The following CTTN variants were observed in gnomAD, a reference collection of about 807,000 sequenced individuals.
CTTN encodes the protein src substrate cortactin.
A neutral mutation model predicts 84.0 loss-of-function variants in CTTN; 28 were observed. That is an observed-to-expected ratio of 0.33 (90% CI 0.25 to 0.46). The LOEUF (loss-of-function observed/expected upper bound fraction) is 0.46, where lower values mean the gene tolerates loss of function less well. Ranked by LOEUF, CTTN falls within the 20% of genes least tolerant of loss-of-function variation. CTTN has a pLI of 1.00. For missense variants in CTTN, 641 were observed against 723.8 expected (o/e 0.89, Z 1.31); for synonymous variants, 301 against 288.8 (o/e 1.04, Z -0.43).
intron 12 of CTTN, among the ~76,000 whole-genome samples, chr11:70,423,880 C>T (rs937639912): frequency 2.0e-5 from 3 of 152,164 alleles, no homozygotes; most frequent in Non-Finnish European, 2.9e-5. Flanking sequence ...GAGAAGCCCC[C>T]GGCCTCAGCG....
rs1254424193 is a variant in CTTN, at chr11:70,429,190, G to A, written c.1167G>A (p.Arg389=). The change falls in exon 14 of 18, where the codon AGG becomes AGA. Residue 389 remains arginine (R), a synonymous_variant. Coordinates refer to ENST00000301843, the MANE Select transcript of CTTN (RefSeq NM_005231.4). The part of the protein sequence containing the change: ...KERQEQEEAR[R]KLEEQARAKT... ...GGCAGGAGCAGGAAGAGGCCAGGAG[G>A]AAGCTGGAGGTGAGTGGCAAGGAGT... is the stretch of plus-strand genomic sequence containing the variant. The A allele has an allele frequency of 1.9e-6, 3 of 1,612,344 alleles. No individual in the cohort carries two copies. Among genetic ancestry groups the A allele is most frequent in the Non-Finnish European group, 2.5e-6 (3 of 1,179,564 alleles).
rs191358927 is a variant in CTTN, at chr11:70,426,164, T to C, written c.1027+763T>C. ...GGCTCATGCCTGTAATCCCAGCACT[T>C]TGGGAGGCCAAGACGGGCGGATCAC... On this transcript the variant is annotated intron_variant, in intron 13 of 17. Transcript: ENST00000301843. Among the ~76,000 whole-genome samples, 447 of 152,202 alleles carry C rather than the reference T, an allele frequency of 2.9e-3. 3 individuals carry two copies. Among genetic ancestry groups the C allele is most frequent in the African/African-American group, 9.9e-3 (409 of 41,522 alleles).
At position 70,420,142 on chromosome 11, in the gene CTTN, G is replaced by A. The variant is rs1431306233; in HGVS notation, c.680-258G>A. 1.5e-5 allele frequency: 9 copies of A among 596,694 alleles called. No homozygotes were observed. In the Admixed American group the frequency reaches 2.4e-4, roughly 16 times the overall value. 37.0% of individuals were successfully genotyped at this position (596,694 alleles called of 1,614,324 possible). ...GAGCCTGTGCTGTCTCATGGTGCGG[G>A]TGGAAGCCGCATGCGTGGGAGCTTC... On this transcript the variant is annotated intron_variant, in intron 9 of 17. Transcript: ENST00000301843.
chr11:70,433,741 T>TG, intron 17 of CTTN, 23 bp downstream of exon 17: 1 of 1,563,854 alleles, frequency 6.4e-7, no homozygotes, highest in Non-Finnish European at 8.8e-7. Context: ...CAAAAGCACT[T>TG]GGAGGGGAGA....
At chr11:70,433,312 G>C in intron 16 of CTTN, 34 bp downstream of exon 16, 1 of 1,561,714 alleles carries the variant, frequency 6.4e-7, no homozygotes, top group Non-Finnish European at 8.6e-7. Context: ...GCCCTGCCCA[G>C]GGCAGGGAGC....
chr11:70,419,474 C>T (rs113738406), intron 8 of CTTN, among the ~76,000 whole-genome samples: 385 of 152,278 alleles, frequency 2.5e-3, no homozygotes, highest in Middle Eastern at 6.8e-3. Flanking sequence ...TGCTATGTTG[C>T]TCAGGCTGGA....
At position 70,433,297 on chromosome 11, in the gene CTTN, G is replaced by T. The variant is rs1239089708; in HGVS notation, c.1444+19G>T. On this transcript the variant is annotated intron_variant, in intron 16 of 17. Coordinates refer to ENST00000301843, the MANE Select transcript of CTTN (RefSeq NM_005231.4). ...CCCGCAGGTACTGGGGCCCCACGCT[G>T]CAGCGCCCTGCCCAGGGCAGGGAGC... The T allele has an allele frequency of 1.6e-5, 26 of 1,593,440 alleles. No homozygotes were observed. Among genetic ancestry groups the T allele is most frequent in the Non-Finnish European group, 2.0e-5 (23 of 1,171,116 alleles).
At chr11:70,424,677 G>A (rs921723836) in intron 12 of CTTN, among the ~76,000 whole-genome samples, 2 of 152,012 alleles carry the variant, frequency 1.3e-5, no homozygotes, top group Admixed American at 1.3e-4. Flanking sequence ...CTGATGGGAG[G>A]AGGGAGCGGG....
At position 70,409,884 on chromosome 11, in the gene CTTN, A is replaced by G. The variant is rs1352779139; in HGVS notation, c.215A>G (p.Lys72Arg). The change falls in exon 5 of 18, where the codon AAG becomes AGG. Residue 72 changes from lysine to arginine, a missense_variant. Around this residue, in one of 3 missense-constraint regions of CTTN, gnomAD observed 284 missense variants for 348.4 expected, o/e 0.82. Coordinates refer to ENST00000301843, the MANE Select transcript of CTTN (RefSeq NM_005231.4). Reference sequence around the variant, plus strand: ...CAAGAGCATCAGACCCTTAAGGAGAAGGAACTTGAAACAGGACCAAAAGCT... The same window carrying G: ...CAAGAGCATCAGACCCTTAAGGAGAGGGAACTTGAAACAGGACCAAAAGCT... ...VFQEHQTLKE[K>R]ELETGPKASH... 6.2e-7 allele frequency: 1 copy of G among 1,614,102 alleles called. No homozygotes were observed. Among genetic ancestry groups the G allele is most frequent in the Non-Finnish European group, 8.5e-7 (1 of 1,179,934 alleles).
At chr11:70,433,805 G>T (rs1293680924) in intron 17 of CTTN, 87 bp downstream of exon 17, 3 of 893,876 alleles carry the variant, frequency 3.4e-6, no homozygotes, top group Non-Finnish European at 3.8e-6. Context: ...CTTCTCTAGC[G>T]TTGTTAGTTT....
chr11:70,416,408 C>T (rs574017860), intron 7 of CTTN, among the ~76,000 whole-genome samples: 91 of 152,060 alleles, frequency 6.0e-4, no homozygotes, highest in African/African-American at 2.1e-3. Flanking sequence ...GAGGCTTTCT[C>T]TTTCCATTTT....
At position 70,425,419 on chromosome 11, in the gene CTTN, C is replaced by A. The variant is rs754238820; in HGVS notation, c.1027+18C>A. 1.1e-5 allele frequency: 18 copies of A among 1,598,372 alleles called. No individual in the cohort carries two copies. The highest frequency in any genetic ancestry group is 1.4e-5 in the Non-Finnish European group (16 of 1,169,176). On this transcript the variant is annotated intron_variant, in intron 13 of 17. Transcript: ENST00000301843. ...CGAAGCTGGTGAGTCCCGGCTGATA[C>A]CAGGAGCACCGTGTGGTTTCCCAGG...
Position 70,436,329 on chromosome 11 carries a change from C to G in CTTN, c.*1167C>G, listed in dbSNP as rs781509428. 2.5e-6 allele frequency: 4 copies of G among 1,598,252 alleles called. No homozygotes were observed. In the East Asian group the frequency reaches 6.7e-5, roughly 27 times the overall value. ...AGCCGGGAGGCTGGACCAGTCCCGT[C>G]GTGCAGTCAGGTGGGCGGTGTGTCT... On this transcript the variant is annotated 3_prime_UTR_variant, in exon 18 of 18. Transcript: ENST00000301843.
At chr11:70,422,728 C>T in intron 11 of CTTN, 2 of 1,451,182 alleles carry the variant, frequency 1.4e-6, no homozygotes, top group Non-Finnish European at 1.8e-6. Flanking sequence ...GCCTCTGCCC[C>T]TGGCCTGTGC....
At chr11:70,420,244 C>A (rs1279797755) in intron 9 of CTTN, 156 bp from the exon 10 acceptor site, 1 of 639,270 alleles carries the variant, frequency 1.6e-6, no homozygotes, top group East Asian at 2.7e-5. Context: ...CAAGGAGGGC[C>A]TCTTCATGGA....
At chr11:70,416,535 G>A (rs1464188291) in intron 7 of CTTN, among the ~76,000 whole-genome samples, 3 of 152,134 alleles carry the variant, frequency 2.0e-5, no homozygotes, top group African/African-American at 7.2e-5. Flanking sequence ...GGGTTCAAAC[G>A]ATTCTCCTGC....
rs936063073 is a variant in CTTN, at chr11:70,414,666, C to T, written c.402+14C>T. 5.6e-6 allele frequency: 9 copies of T among 1,596,788 alleles called. No individual in the cohort carries two copies. The highest frequency in any genetic ancestry group is 7.7e-6 in the Non-Finnish European group (9 of 1,164,530). On this transcript the variant is annotated intron_variant, in intron 6 of 17. Coordinates refer to ENST00000301843, the MANE Select transcript of CTTN (RefSeq NM_005231.4). ...AGAGTTGATCAGGTGAGTGATGTGG[C>T]ACTGGGACTGGGGCAGGTTGGGGCA...
intron 13 of CTTN, 68 bp downstream of exon 13, chr11:70,425,469 G>A: frequency 8.1e-7 from 1 of 1,233,824 alleles, no homozygotes; most frequent in East Asian, 2.4e-5. Context: ...AAGGACAGTT[G>A]TGAAACAGCC....
chr11:70,410,451 G>A lies in CTTN; in HGVS notation c.291+491G>A, dbSNP rs113241306. 787 of 161,190 alleles carry A rather than the reference G, an allele frequency of 4.9e-3. 15 individuals are homozygous for A. Among genetic ancestry groups the A allele is most frequent in the African/African-American group, 0.017 (721 of 41,894 alleles). The allele number at this position is 161,190 out of a possible 1,614,324, so 10.0% of individuals were successfully genotyped here. Reference sequence around the variant, plus strand: ...GCAGTCTCCCTCGTGTAAATTCGGCGCGTACCAGGCTGGGGACAGTGCTCA... The same window carrying A: ...GCAGTCTCCCTCGTGTAAATTCGGCACGTACCAGGCTGGGGACAGTGCTCA... On this transcript the variant is annotated intron_variant, in intron 5 of 17. Coordinates refer to ENST00000301843, the MANE Select transcript of CTTN (RefSeq NM_005231.4).
Sources: gnomAD v4.1 joint callset for allele counts (sites outside exome capture counted in the v4.1 genomes callset) on GRCh38, gnomAD v4.1.1 for gene constraint, gnomAD v4.1.1 regional missense constraint, MANE v1.5 for transcripts, NCBI Gene and HGNC (gene_info 2026-07-23, HGNC 2026-07-21) for gene names.